The following CDH13 variants were observed in gnomAD, a reference collection of about 807,000 sequenced individuals.
The protein encoded by CDH13 is cadherin-13.
Under a neutral mutation model 63.8 loss-of-function variants are expected in CDH13, and 24 were observed. The ratio of observed to expected loss-of-function variants is 0.38; its 90% CI spans 0.27 to 0.53. The LOEUF (loss-of-function observed/expected upper bound fraction) is 0.53. CDH13 is among the 20% of genes least tolerant of loss of function. The probability of loss-of-function intolerance (pLI) is 0.85; values close to 1 mark genes in which losing one functional copy is unlikely to be tolerated. For missense variants in CDH13, 1,049 were observed against 903.1 expected, an observed-to-expected ratio of 1.16 and a Z score of -2.07; for synonymous variants, 503 against 355.3, an observed-to-expected ratio of 1.42 and a Z score of -4.67.
chr16:83,545,174 C>T (rs1183867485), intron 7 of CDH13, among the ~76,000 whole-genome samples: 2 of 152,056 alleles, frequency 1.3e-5, no homozygotes, highest in Non-Finnish European at 2.9e-5. Context: ...AGAAGTTGTT[C>T]GATGTTAAAT....
intron 5 of CDH13, among the ~76,000 whole-genome samples, chr16:83,261,979 C>T (rs1231560329): frequency 1.3e-5 from 2 of 152,110 alleles, no homozygotes; most frequent in African/African-American, 2.4e-5. Flanking sequence ...CTGCAAACTA[C>T]CAGGTTTTAA....
chr16:82,881,563 C>T (rs1223913764), intron 2 of CDH13, among the ~76,000 whole-genome samples: 1 of 152,164 alleles, frequency 6.6e-6, no homozygotes, highest in Non-Finnish European at 1.5e-5. Context: ...CAAGGTAACC[C>T]ATAGAGGACT....
chr16:83,171,565 G>T lies in CDH13; in HGVS notation c.484-45780G>T. On this transcript the variant is annotated intron_variant, in intron 4 of 13. Transcript: ENST00000567109. ...CTGTGCCTAGCACGATGGCTGACAT[G>T]AGATAAGTGCACAGGAAATTTTGAA... 2.6e-6 allele frequency: 4 copies of T among 1,533,708 alleles called. 1 individual carries two copies. The highest frequency in any genetic ancestry group is 1.7e-4 in the Middle Eastern group (1 of 5,982).
intron 3 of CDH13, among the ~76,000 whole-genome samples, chr16:83,115,013 T>C (rs1264021508): frequency 6.6e-6 from 1 of 152,224 alleles, no homozygotes; most frequent in Non-Finnish European, 1.5e-5. Flanking sequence ...TAGCTCCTTT[T>C]AGCCAGGGGC....
intron 2 of CDH13, among the ~76,000 whole-genome samples, chr16:82,930,039 CT>C (rs71146098): frequency 0.24 from 22,651 of 94,164 alleles, 1,549 homozygotes; most frequent in Middle Eastern, 0.33. Flanking sequence ...TAGTTTGTCT[CT>C]TTTTTTTTTT....
chr16:83,299,118 C>T (rs2089670339), intron 5 of CDH13, among the ~76,000 whole-genome samples: 2 of 152,194 alleles, frequency 1.3e-5, no homozygotes, highest in Middle Eastern at 3.4e-3. Context: ...TAGAATCATA[C>T]CATATACACT....
intron 7 of CDH13, among the ~76,000 whole-genome samples, chr16:83,577,456 G>C (rs998180817): frequency 6.6e-6 from 1 of 152,220 alleles, no homozygotes; most frequent in Admixed American, 6.5e-5. Context: ...TAAATGCTCA[G>C]ACCTGCACAC....
At chr16:82,946,743 A>C (rs1049910340) in intron 2 of CDH13, among the ~76,000 whole-genome samples, 1 of 151,996 alleles carries the variant, frequency 6.6e-6, no homozygotes, top group Admixed American at 6.6e-5. Flanking sequence ...GAAAAAACAT[A>C]CTCATTCAGT....
intron 2 of CDH13, among the ~76,000 whole-genome samples, chr16:82,908,790 C>A (rs935817756): frequency 1.3e-5 from 2 of 152,228 alleles, no homozygotes; most frequent in African/African-American, 4.8e-5. Context: ...GTAATGTTTG[C>A]GTAAAACCTA....
At chr16:83,509,727 A>C (rs1362685196) in intron 7 of CDH13, among the ~76,000 whole-genome samples, 3 of 152,242 alleles carry the variant, frequency 2.0e-5, no homozygotes, top group African/African-American at 7.2e-5. Context: ...GTGGTAGTAA[A>C]AAATACTAAT....
At chr16:82,961,735 G>A (rs1485356837) in intron 2 of CDH13, among the ~76,000 whole-genome samples, 1 of 152,178 alleles carries the variant, frequency 6.6e-6, no homozygotes, top group African/African-American at 2.4e-5. Context: ...ATGGTACTGT[G>A]CTAATTGATC....
chr16:83,243,753 G>C (rs550820418), intron 5 of CDH13, among the ~76,000 whole-genome samples: 1 of 152,128 alleles, frequency 6.6e-6, no homozygotes, highest in South Asian at 2.1e-4. Context: ...AGTCTTGTCC[G>C]GAGCAAACTG....
intron 10 of CDH13, among the ~76,000 whole-genome samples, chr16:83,701,386 A>T (rs1233674620): frequency 6.6e-6 from 1 of 152,082 alleles, no homozygotes; most frequent in Non-Finnish European, 1.5e-5. Flanking sequence ...TTCCTTCATC[A>T]TTTCATTCGG....
intron 1 of CDH13, among the ~76,000 whole-genome samples, chr16:82,710,361 A>G (rs147548353): frequency 0.029 from 4,215 of 145,180 alleles, 85 homozygotes; most frequent in South Asian, 0.084. Flanking sequence ...GTGAAACCCC[A>G]TCTCTACTAT....
intron 1 of CDH13, chr16:82,727,784 A>C (rs2033181182): frequency 6.6e-6 from 1 of 152,166 alleles, no homozygotes; most frequent in Non-Finnish European, 1.5e-5. Flanking sequence ...CTTGGAAGAC[A>C]GGCAGCCCCA....
intron 2 of CDH13, among the ~76,000 whole-genome samples, chr16:82,999,623 A>T (rs964518386): frequency 2.0e-5 from 3 of 152,236 alleles, no homozygotes; most frequent in South Asian, 2.1e-4. Flanking sequence ...CTGAAAATTG[A>T]TATCATTGGC....
At chr16:83,364,210 CATA>C (rs572927192) in intron 6 of CDH13, among the ~76,000 whole-genome samples, 194 of 152,234 alleles carry the variant, frequency 1.3e-3, no homozygotes, top group Non-Finnish European at 1.4e-3. Flanking sequence ...TTAAGATAGA[CATA>C]ATAAGTCCAC....
intron 1 of CDH13, among the ~76,000 whole-genome samples, chr16:82,812,960 G>C (rs772006284): frequency 1.3e-5 from 2 of 152,028 alleles, no homozygotes; most frequent in Non-Finnish European, 2.9e-5. Flanking sequence ...GGTGGGAAAG[G>C]CTAGACTTCA....
At chr16:83,093,522 G>T (rs1355081940) in intron 3 of CDH13, among the ~76,000 whole-genome samples, 1 of 151,758 alleles carries the variant, frequency 6.6e-6, no homozygotes, top group South Asian at 2.1e-4. Context: ...ATTTCACCGT[G>T]TTGGCCAGCC....
Sources: allele counts gnomAD v4.1 joint callset (sites outside exome capture counted in the v4.1 genomes callset), GRCh38; gene constraint gnomAD v4.1.1; transcripts MANE v1.5; gene names NCBI Gene and HGNC (gene_info 2026-07-23, HGNC 2026-07-21).